Variants in BTBD7 observed in about 807,000 individuals in gnomAD.
BTBD7 encodes the protein BTB domain containing 7.
In BTBD7, 38 loss-of-function variants were observed where a neutral mutation model predicts 99.9. The observed-to-expected ratio is 0.38, with a 90% CI of 0.29 to 0.50. The LOEUF is 0.50. BTBD7 is among the 20% of genes least tolerant of loss of function. The pLI, the probability that BTBD7 is intolerant of heterozygous loss-of-function variation, is 0.93. For synonymous variants in BTBD7, 520 were observed against 511.4 expected (o/e 1.02, Z -0.23); for missense variants, 1,170 against 1,394.6 (o/e 0.84, Z 2.57).
chr14:93,285,935 G>A (rs2052771994), intron 3 of BTBD7, among the ~76,000 whole-genome samples: 2 of 152,178 alleles, frequency 1.3e-5, no homozygotes, highest in Non-Finnish European at 2.9e-5. Flanking sequence ...GGGAAAAGCT[G>A]GAGACCCAGC....
chr14:93,306,440 T>TAAA (rs10717168), intron 1 of BTBD7, among the ~76,000 whole-genome samples: 4 of 126,910 alleles, frequency 3.2e-5, no homozygotes, highest in East Asian at 4.4e-4. Context: ...CATCTCTCTT[T>TAAA]AAAAAAAAAA....
At chr14:93,255,596 A>C (rs1185667641) in intron 6 of BTBD7, 1 of 151,808 alleles carries the variant, frequency 6.6e-6, no homozygotes, top group Non-Finnish European at 1.5e-5. Flanking sequence ...TCTGGGTTCA[A>C]GCAATTCTTG....
chr14:93,264,426 A>C (rs1306021018), intron 3 of BTBD7, among the ~76,000 whole-genome samples: 2 of 152,226 alleles, frequency 1.3e-5, no homozygotes, highest in Non-Finnish European at 2.9e-5. Context: ...GCTGCCAGCT[A>C]TGCAGACATC....
intron 6 of BTBD7, among the ~76,000 whole-genome samples, chr14:93,254,115 T>G (rs945583786): frequency 3.3e-5 from 5 of 152,068 alleles, no homozygotes; most frequent in African/African-American, 1.2e-4. Flanking sequence ...TTTTTTGTAC[T>G]TTTAGTAGAG....
rs1372580093 is a variant in BTBD7 at position 93,238,927 on chromosome 14, T to C, written c.*3346A>G. The C allele has an allele frequency of 6.6e-6, 1 of 152,178 alleles. No individual in the cohort carries two copies. Among genetic ancestry groups the C allele is most frequent in the Non-Finnish European group, 1.5e-5 (1 of 68,030 alleles). The allele number at this position is 152,178 out of a possible 1,614,324, so 9.4% of individuals were successfully genotyped here. Reference sequence around the variant, plus strand: ...TTTCTGAGGAAGCAAAAACAAGAATTAGTTAAGGCTTCATAAAGAATTCTA... The same window carrying C: ...TTTCTGAGGAAGCAAAAACAAGAATCAGTTAAGGCTTCATAAAGAATTCTA... On this transcript the variant is annotated 3_prime_UTR_variant, in exon 11 of 11. Coordinates refer to ENST00000334746, the MANE Select transcript of BTBD7 (RefSeq NM_001002860.4).
intron 1 of BTBD7, among the ~76,000 whole-genome samples, chr14:93,331,100 T>C (rs2053396979): frequency 6.6e-6 from 1 of 151,750 alleles, no homozygotes; most frequent in Non-Finnish European, 1.5e-5. Flanking sequence ...TAAGTTCAGG[T>C]TAGGAAAAAA....
Position 93,248,526 on chromosome 14 carries a change from G to A in BTBD7, c.2071C>T (p.Arg691Ter), listed in dbSNP as rs1198567556. Residue 691 changes from arginine (R) to a stop codon, truncating the protein, a stop_gained, in exon 9 of 11, where the codon CGA becomes TGA. Transcript: ENST00000334746. LOFTEE classifies it high-confidence loss of function. Reference sequence around the variant, plus strand: ...GCAAGACCAAACTCTCTTAGCACTCGAATCTGAATTTCATAGCTGACAGTG... The same window carrying A: ...GCAAGACCAAACTCTCTTAGCACTCAAATCTGAATTTCATAGCTGACAGTG... ...GATVSYEIQI[R>*]VLREFGLADA... The A allele has an allele frequency of 6.2e-7, 1 of 1,614,104 alleles. No individual in the cohort carries two copies. The highest frequency in any genetic ancestry group is 8.5e-7 in the Non-Finnish European group (1 of 1,180,040).
At chr14:93,249,266 CAAAAAAAA>C (rs56893984) in intron 8 of BTBD7, among the ~76,000 whole-genome samples, 10 of 25,956 alleles carry the variant, frequency 3.9e-4, no homozygotes, top group Admixed American at 2.3e-3. Context: ...ACCAGATAGG[CAAAAAAAA>C]AAAAAAAAAA....
intron 3 of BTBD7, among the ~76,000 whole-genome samples, chr14:93,291,156 A>C (rs912345644): frequency 1.3e-5 from 2 of 151,700 alleles, no homozygotes; most frequent in African/African-American, 4.8e-5. Context: ...TTTTAAACTT[A>C]AAGTTATTTT....
chr14:93,256,729 A>T (rs561124280), intron 6 of BTBD7: 2 of 152,872 alleles, frequency 1.3e-5, no homozygotes, highest in East Asian at 1.9e-4. Flanking sequence ...AATTATATTA[A>T]TTTTTAAAAA....
At chr14:93,311,282 T>C (rs558336124) in intron 1 of BTBD7, among the ~76,000 whole-genome samples, 22 of 152,278 alleles carry the variant, frequency 1.4e-4, no homozygotes, top group Admixed American at 1.4e-3. Context: ...AACCTCTGCC[T>C]CCGAGAGCAG....
intron 3 of BTBD7, among the ~76,000 whole-genome samples, chr14:93,275,433 T>C (rs2052644156): frequency 6.6e-6 from 1 of 152,356 alleles, no homozygotes; most frequent in Non-Finnish European, 1.5e-5. Flanking sequence ...GTTGTAGTTT[T>C]CTGTGTTTTG....
chr14:93,332,684 A>T, intron 1 of BTBD7, 136 bp downstream of exon 1: 2 of 1,236,528 alleles, frequency 1.6e-6, no homozygotes, highest in Non-Finnish European at 2.0e-6. Flanking sequence ...CCGGCGCCCC[A>T]GCGCCTCCCG....
intron 3 of BTBD7, among the ~76,000 whole-genome samples, chr14:93,273,581 T>G (rs1264605194): frequency 6.6e-6 from 1 of 152,212 alleles, no homozygotes; most frequent in Non-Finnish European, 1.5e-5. Context: ...AATGGGGATA[T>G]TTGGTTGGCT....
At chr14:93,244,787 G>C (rs539935344) in intron 10 of BTBD7, among the ~76,000 whole-genome samples, 2 of 151,722 alleles carry the variant, frequency 1.3e-5, no homozygotes, top group South Asian at 2.1e-4. Flanking sequence ...ACTGACAGGT[G>C]AATCTTTTCT....
chr14:93,332,660 T>G (rs1048340917), intron 1 of BTBD7, among the ~76,000 whole-genome samples, 160 bp downstream of exon 1: 2 of 150,722 alleles, frequency 1.3e-5, no homozygotes, highest in Non-Finnish European at 3.0e-5. Context: ...GACGGACGAC[T>G]GGCCCCTCCC....
chr14:93,289,879 A>T (rs183103797), intron 3 of BTBD7, among the ~76,000 whole-genome samples: 137 of 136,660 alleles, frequency 1.0e-3, no homozygotes, highest in Non-Finnish European at 1.8e-3. Context: ...TTTTGGAGAC[A>T]GAGTCTCACT....
At chr14:93,252,200 C>T (rs771401257) in intron 7 of BTBD7, among the ~76,000 whole-genome samples, 8 of 151,940 alleles carry the variant, frequency 5.3e-5, no homozygotes, top group South Asian at 2.1e-4. Flanking sequence ...ATCCCAGCTA[C>T]TCAGGAGGCT....
chr14:93,331,879 T>TCC (rs71129629), intron 1 of BTBD7, among the ~76,000 whole-genome samples: 20,764 of 132,914 alleles, frequency 0.16, 2,061 homozygotes, highest in East Asian at 0.24. Flanking sequence ...AGACTCCGTC[T>TCC]CCCCCCCCCC....
Sources: gnomAD v4.1 joint callset for allele counts (sites outside exome capture counted in the v4.1 genomes callset) on GRCh38, gnomAD v4.1.1 for gene constraint, MANE v1.5 for transcripts, NCBI Gene and HGNC (gene_info 2026-07-23, HGNC 2026-07-21) for gene names.